The following C1orf87 variants were observed in gnomAD, a reference collection of about 807,000 sequenced individuals.
The protein encoded by C1orf87 is chromosome 1 open reading frame 87.
In C1orf87, 58 loss-of-function variants were observed where a neutral mutation model predicts 60.5. That is an observed-to-expected ratio of 0.96 (90% CI 0.78 to 1.19). C1orf87 has a LOEUF of 1.19. Among genes scored for constraint, C1orf87 ranks in the 50% most tolerant of loss-of-function variants. The pLI is 0.00. For synonymous variants in C1orf87, 236 were observed against 227.4 expected (o/e 1.04, Z -0.34); for missense variants, 673 against 638.6 (o/e 1.05, Z -0.58).
At chr1:59,995,414 A>C (rs1644956911) in intron 11 of C1orf87, among the ~76,000 whole-genome samples, 11 of 152,130 alleles carry the variant, frequency 7.2e-5, no homozygotes, top group Admixed American at 7.2e-4. Context: ...ACATTTGGAT[A>C]CTGGGTAAAG....
At chr1:60,009,035 A>G (rs1276768591) in intron 9 of C1orf87, among the ~76,000 whole-genome samples, 1 of 151,960 alleles carries the variant, frequency 6.6e-6, no homozygotes, top group South Asian at 2.1e-4. Flanking sequence ...TAGTGGATTG[A>G]ATTGTGTCCT....
rs766033281 is a variant in C1orf87 at position 60,040,105 on chromosome 1, A to C, written c.559T>G (p.Ser187Ala). ...AATAAGTTGGAACTCAAAGGACGTGACTTGAGTTCTCTTCTGACCAGGGCA... is the reference window on the plus strand; with the variant it reads ...AATAAGTTGGAACTCAAAGGACGTGCCTTGAGTTCTCTTCTGACCAGGGCA... ...LLALVRRELK[S>A]RPLSSNLLEK... The change falls in exon 5 of 12, where the codon TCA becomes GCA. Residue 187 changes from serine to alanine, a missense_variant. By Grantham distance (99) the Ser-to-Ala change is moderately conservative. Transcript: ENST00000371201. 1.9e-6 allele frequency: 3 copies of C among 1,614,224 alleles called. No homozygotes were observed. Among genetic ancestry groups the C allele is most frequent in the South Asian group, 1.1e-5 (1 of 91,090 alleles).
Position 60,039,769 on chromosome 1 carries a change from C to T in C1orf87, c.747+148G>A, listed in dbSNP as rs144006553. The T allele has an allele frequency of 7.3e-5, 64 of 879,854 alleles. No homozygotes were observed. The African/African-American group carries it at 9.8e-4, about 13-fold the overall frequency. The allele number at this position is 879,854 out of a possible 1,614,324, so 54.5% of individuals were successfully genotyped here. A position where few individuals can be genotyped will look rare whatever the true frequency, so the allele number is the denominator to read the frequency against. On this transcript the variant is annotated intron_variant, in intron 5 of 11. Coordinates refer to ENST00000371201, the MANE Select transcript of C1orf87 (RefSeq NM_152377.3). ...TTTCTATTCGAACTAGAAATTTCTA[C>T]ACATGAATATAAATAAGCTTTTTAT...
At chr1:60,008,664 T>G (rs751970556) in intron 9 of C1orf87, 6 of 455,466 alleles carry the variant, frequency 1.3e-5, no homozygotes, top group Non-Finnish European at 1.3e-5. Flanking sequence ...TCAGAAGAGC[T>G]ACTGCTATAA....
Position 60,072,537 on chromosome 1 carries a change from A to G in C1orf87, c.107T>C (p.Ile36Thr). Residue 36 changes from isoleucine to threonine, a missense_variant and splice_region_variant, in exon 2 of 12, where the codon ATC (isoleucine) becomes ACC (threonine). Coordinates refer to ENST00000371201, the MANE Select transcript of C1orf87 (RefSeq NM_152377.3). ...HFQYLVEKPK[I>T]KENDSLKTET... The stretch of plus-strand genomic sequence containing the variant: ...AGATATTTTTCAAATATGGACTTAC[A>G]TCTTTGGCTTCTCCACGAGGTATTG... 6.3e-7 allele frequency: 1 copy of G among 1,599,948 alleles called. No individual in the cohort carries two copies. The highest frequency in any genetic ancestry group is 8.5e-7 in the Non-Finnish European group (1 of 1,172,686).
rs146782679 is a variant in C1orf87, at chr1:59,990,768, G to A, written c.1546C>T (p.Leu516=). 6.2e-6 allele frequency: 10 copies of A among 1,613,990 alleles called. No homozygotes were observed. The highest frequency in any genetic ancestry group is 2.7e-5 in the African/African-American group (2 of 74,928). Residue 516 remains leucine, a synonymous_variant, in exon 12 of 12, where the codon CTG becomes TTG. Transcript: ENST00000371201. ...HNYNLIYNLS[L]SPQKIDQALR... ...GCCTGGTCGATTTTCTGAGGGCTCA[G>A]GGACAGGTTGTAAATGAGATTGTAG...
intron 3 of C1orf87, among the ~76,000 whole-genome samples, chr1:60,051,732 A>G (rs570494165): frequency 6.6e-6 from 1 of 152,330 alleles, no homozygotes; most frequent in South Asian, 2.1e-4. Context: ...GATGATTAAA[A>G]TCTCCCTGGT....
intron 9 of C1orf87, among the ~76,000 whole-genome samples, chr1:60,004,893 T>C (rs1352070818): frequency 7.2e-6 from 1 of 139,680 alleles, no homozygotes; most frequent in Admixed American, 7.8e-5. Context: ...ATCAGTAGCC[T>C]TTAGCACTGG....
chr1:59,994,460 G>A (rs1216556477), intron 11 of C1orf87, among the ~76,000 whole-genome samples: 1 of 152,098 alleles, frequency 6.6e-6, no homozygotes, highest in East Asian at 1.9e-4. Context: ...GTTGATGTGA[G>A]AATTTAGTGA....
rs764937006 is a variant in C1orf87, at chr1:60,041,011, C to T, written c.463G>A (p.Gly155Ser). ...RDWSLEQMVR[G>S]SSDQPEDIGQ... ...CACACCTCAGGTTGGTCAGAGCTGC[C>T]TCTCACCATCTGTTCCAAGGACCAG... is the stretch of plus-strand genomic sequence containing the variant. The change falls in exon 4 of 12, where the codon GGC becomes AGC. Residue 155 changes from glycine to serine, a missense_variant. By Grantham distance (56) the Gly-to-Ser change is moderately conservative. Coordinates refer to ENST00000371201, the MANE Select transcript of C1orf87 (RefSeq NM_152377.3). 6 of 1,612,400 alleles carry T rather than the reference C, an allele frequency of 3.7e-6. No homozygotes were observed. Among genetic ancestry groups the T allele is most frequent in the East Asian group, 2.2e-5 (1 of 44,850 alleles).
intron 8 of C1orf87, among the ~76,000 whole-genome samples, chr1:60,012,067 CA>C (rs946546405): frequency 1.5e-4 from 23 of 151,870 alleles, no homozygotes; most frequent in Non-Finnish European, 2.8e-4. Flanking sequence ...CACAGATCTG[CA>C]AATAAACTAC....
At chr1:60,062,578 C>T (rs777278584) in intron 2 of C1orf87, among the ~76,000 whole-genome samples, 1 of 152,022 alleles carries the variant, frequency 6.6e-6, no homozygotes, top group Non-Finnish European at 1.5e-5. Flanking sequence ...CTTTTATTAT[C>T]CTGCAGGTTG....
At chr1:59,995,661 C>T (rs1432931145) in intron 11 of C1orf87, among the ~76,000 whole-genome samples, 2 of 152,164 alleles carry the variant, frequency 1.3e-5, no homozygotes, top group African/African-American at 4.8e-5. Context: ...TGGTCCCGGA[C>T]CTCGCATTAG....
At chr1:60,007,752 T>G (rs1404457658) in intron 9 of C1orf87, among the ~76,000 whole-genome samples, 1 of 152,068 alleles carries the variant, frequency 6.6e-6, no homozygotes, top group Non-Finnish European at 1.5e-5. Flanking sequence ...TATTAAGTAT[T>G]TATGTGAAAA....
chr1:60,039,450 T>A (rs964547248), intron 5 of C1orf87, among the ~76,000 whole-genome samples: 1 of 152,162 alleles, frequency 6.6e-6, no homozygotes, highest in African/African-American at 2.4e-5. Flanking sequence ...ATTCTCTGAG[T>A]CTCCTAAACA....
At chr1:60,045,578 T>C (rs1645359830) in intron 3 of C1orf87, among the ~76,000 whole-genome samples, 1 of 152,186 alleles carries the variant, frequency 6.6e-6, no homozygotes, top group Admixed American at 6.5e-5. Context: ...CAATCTTATT[T>C]TATTTATCCC....
chr1:60,072,170 C>T (rs1645588319), intron 2 of C1orf87, among the ~76,000 whole-genome samples: 1 of 152,118 alleles, frequency 6.6e-6, no homozygotes, highest in Admixed American at 6.6e-5. Flanking sequence ...TCCTGTAATT[C>T]ACAACAAATT....
At chr1:60,066,986 T>G (rs901864751) in intron 2 of C1orf87, among the ~76,000 whole-genome samples, 4 of 152,210 alleles carry the variant, frequency 2.6e-5, no homozygotes, top group Non-Finnish European at 5.9e-5. Context: ...GCTTCATCCA[T>G]GTCCCTGCAA....
intron 7 of C1orf87, among the ~76,000 whole-genome samples, chr1:60,032,432 G>T (rs1574311247): frequency 1.1e-5 from 1 of 88,558 alleles, no homozygotes; most frequent in African/African-American, 4.6e-5. Context: ...TGAGACTCAG[G>T]TTTTTTTTTT....
Sources: allele counts gnomAD v4.1 joint callset (sites outside exome capture counted in the v4.1 genomes callset), GRCh38; gene constraint gnomAD v4.1.1; transcripts MANE v1.5; gene names NCBI Gene and HGNC (gene_info 2026-07-23, HGNC 2026-07-21).